The following NRCAM variants were observed in gnomAD, a reference collection of about 807,000 sequenced individuals.
NRCAM encodes the protein NgCAM-related cell adhesion molecule.
NRCAM carries 83 observed loss-of-function variants against 156.5 expected under a neutral mutation model. That is an observed-to-expected ratio of 0.53 (90% CI 0.44 to 0.64). The LOEUF is 0.64. Ranked by LOEUF, NRCAM falls within the 30% of genes least tolerant of loss-of-function variation. The pLI, the probability that NRCAM is intolerant of heterozygous loss-of-function variation, is 0.00. For missense variants in NRCAM, 1,417 were observed against 1,597.3 expected, an observed-to-expected ratio of 0.89 and a Z score of 1.92; for synonymous variants, 538 against 563.9, an observed-to-expected ratio of 0.95 and a Z score of 0.65.
At chr7:108,338,287 C>A (rs905335807) in intron 2 of NRCAM, among the ~76,000 whole-genome samples, 1 of 152,216 alleles carries the variant, frequency 6.6e-6, no homozygotes, top group African/African-American at 2.4e-5. Context: ...ATTCTCCTTA[C>A]CTCTGAATCT....
intron 1 of NRCAM, among the ~76,000 whole-genome samples, chr7:108,433,202 C>A (rs1364932611): frequency 6.6e-6 from 1 of 152,084 alleles, no homozygotes; most frequent in Admixed American, 6.5e-5. Flanking sequence ...TCTTCCATAT[C>A]CCCTCAACTC....
At chr7:108,361,565 C>G (rs903635268) in intron 2 of NRCAM, among the ~76,000 whole-genome samples, 1 of 152,114 alleles carries the variant, frequency 6.6e-6, no homozygotes, top group African/African-American at 2.4e-5. Context: ...TGGACTTGAA[C>G]TGAAACATTG....
intron 3 of NRCAM, among the ~76,000 whole-genome samples, chr7:108,264,842 A>G (rs1291521127): frequency 6.6e-6 from 1 of 152,232 alleles, no homozygotes; most frequent in African/African-American, 2.4e-5. Context: ...TTTGAGGGAA[A>G]GAAAAAGTTA....
intron 28 of NRCAM, among the ~76,000 whole-genome samples, chr7:108,170,478 C>T (rs1041296720): frequency 6.6e-6 from 1 of 152,188 alleles, no homozygotes. Flanking sequence ...TGATTGCCTC[C>T]TTCGGAGAGT....
At chr7:108,263,482 G>A (rs1187552475) in intron 3 of NRCAM, among the ~76,000 whole-genome samples, 4 of 152,232 alleles carry the variant, frequency 2.6e-5, no homozygotes, top group Admixed American at 2.0e-4. Flanking sequence ...CCCTAACTCC[G>A]AGCTTCCGCA....
intron 30 of NRCAM, among the ~76,000 whole-genome samples, chr7:108,165,457 C>T (rs1209925839): frequency 1.3e-5 from 2 of 152,150 alleles, no homozygotes; most frequent in East Asian, 1.9e-4. Context: ...AGTCCCATTA[C>T]TATTATTAGC....
At chr7:108,423,592 C>T (rs1168711816) in intron 1 of NRCAM, among the ~76,000 whole-genome samples, 1 of 152,154 alleles carries the variant, frequency 6.6e-6, no homozygotes, top group East Asian at 1.9e-4. Context: ...AATACAAAAC[C>T]AAGAAGCACC....
intron 2 of NRCAM, among the ~76,000 whole-genome samples, chr7:108,349,722 C>T (rs1312608999): frequency 6.6e-6 from 1 of 152,184 alleles, no homozygotes. Flanking sequence ...CTCCCCCTCA[C>T]AATATGACGT....
chr7:108,158,334 T>C (rs950192454), intron 32 of NRCAM, among the ~76,000 whole-genome samples: 29 of 152,106 alleles, frequency 1.9e-4, no homozygotes, highest in African/African-American at 6.5e-4. Context: ...GCTGAGATAA[T>C]AAAGGAAAAA....
At chr7:108,424,715 G>A (rs1312625215) in intron 1 of NRCAM, among the ~76,000 whole-genome samples, 2 of 151,990 alleles carry the variant, frequency 1.3e-5, no homozygotes, top group Admixed American at 6.6e-5. Context: ...AAATATCAGG[G>A]GGGAAAGAAT....
chr7:108,199,442 GTAGGT>G (rs1229395464), intron 13 of NRCAM, among the ~76,000 whole-genome samples: 1 of 152,188 alleles, frequency 6.6e-6, no homozygotes, highest in Non-Finnish European at 1.5e-5. Flanking sequence ...ATACAGTTCT[GTAGGT>G]TAGAAGTCTG....
chr7:108,196,522 C>T (rs1343695993), intron 14 of NRCAM, among the ~76,000 whole-genome samples: 1 of 152,122 alleles, frequency 6.6e-6, no homozygotes, highest in Non-Finnish European at 1.5e-5. Flanking sequence ...ATGGGCAAGG[C>T]ATTGGACTAG....
rs191919194 is a variant in NRCAM at position 108,227,987 on chromosome 7, T to C, written c.551-1609A>G. 2.0e-4 allele frequency among the ~76,000 whole-genome samples: 31 copies of C among 152,302 alleles called. No individual in the cohort carries two copies. The East Asian group carries it at 5.8e-3, about 28-fold the overall frequency. ...GGGGTTTGGTTGGTGGTTGCAAATT[T>C]ATGGTTTTAAGCCATTAGTTCCCGG... On this transcript the variant is annotated intron_variant, in intron 8 of 32. Coordinates refer to ENST00000379028, the MANE Select transcript of NRCAM (RefSeq NM_001037132.4).
intron 1 of NRCAM, among the ~76,000 whole-genome samples, chr7:108,441,051 T>C (rs1200274322): frequency 6.6e-6 from 1 of 152,182 alleles, no homozygotes; most frequent in East Asian, 1.9e-4. Context: ...AGGTTTGTTG[T>C]TCTTAAGCCC....
At chr7:108,167,220 C>A (rs2055034243) in intron 29 of NRCAM, 147 bp from the exon 30 acceptor site, 1 of 611,326 alleles carries the variant, frequency 1.6e-6, no homozygotes, top group Non-Finnish European at 2.8e-6. Context: ...TAAATGTAGT[C>A]ATGTCAAACA....
chr7:108,329,776 CCCAA>C (rs2099107828), intron 2 of NRCAM, among the ~76,000 whole-genome samples: 1 of 152,148 alleles, frequency 6.6e-6, no homozygotes, highest in Non-Finnish European at 1.5e-5. Context: ...ACCTCTGAAA[CCCAA>C]CCAAGTAGAG....
chr7:108,172,085 A>G (rs1471019340), intron 28 of NRCAM, among the ~76,000 whole-genome samples: 1 of 152,134 alleles, frequency 6.6e-6, no homozygotes, highest in Non-Finnish European at 1.5e-5. Context: ...CTGTTTCTGT[A>G]TTCCAACTAA....
At chr7:108,446,730 GTC>G (rs1425235174) in intron 1 of NRCAM, among the ~76,000 whole-genome samples, 1 of 95,838 alleles carries the variant, frequency 1.0e-5, no homozygotes, top group African/African-American at 5.0e-5. Context: ...TACAACCTAT[GTC>G]TTTTTTTTTT....
chr7:108,336,495 G>A (rs1443854215), intron 2 of NRCAM, among the ~76,000 whole-genome samples: 1 of 152,188 alleles, frequency 6.6e-6, no homozygotes, highest in Admixed American at 6.5e-5. Context: ...CATGGGTATT[G>A]ATTACGAATA....
Sources: gnomAD v4.1 joint callset for allele counts (sites outside exome capture counted in the v4.1 genomes callset) on GRCh38, gnomAD v4.1.1 for gene constraint, MANE v1.5 for transcripts, NCBI Gene and HGNC (gene_info 2026-07-23, HGNC 2026-07-21) for gene names.